Variants in EPM2A observed in about 807,000 individuals in gnomAD.
The protein encoded by EPM2A is EPM2A glucan phosphatase, laforin.
A neutral mutation model predicts 26.5 loss-of-function variants in EPM2A; 21 were observed. The observed-to-expected ratio is 0.79, with a 90% confidence interval of 0.56 to 1.14. The LOEUF (loss-of-function observed/expected upper bound fraction) is 1.14, where lower values mean the gene tolerates loss of function less well. Ranked by LOEUF, EPM2A falls within the 50% of genes most tolerant of loss-of-function variation. The pLI is 0.00. For synonymous variants in EPM2A, 217 were observed against 177.6 expected (o/e 1.22, Z -1.76); for missense variants, 458 against 440.8 (o/e 1.04, Z -0.35).
intron 2 of EPM2A, among the ~76,000 whole-genome samples, chr6:145,588,658 TATTC>T (rs1781229992): frequency 2.0e-5 from 3 of 152,230 alleles, no homozygotes; most frequent in Admixed American, 6.5e-5. Flanking sequence ...TCATCAGCAT[TATTC>T]ATTCAAACTA....
intron 2 of EPM2A, among the ~76,000 whole-genome samples, chr6:145,675,351 T>C (rs958649266): frequency 6.6e-6 from 1 of 152,144 alleles, no homozygotes; most frequent in Non-Finnish European, 1.5e-5. Flanking sequence ...GTAAAGACCA[T>C]CGATGCTATG....
At chr6:145,635,862 T>G (rs1018144204) in intron 2 of EPM2A, 1 of 193,814 alleles carries the variant, frequency 5.2e-6, no homozygotes, top group Non-Finnish European at 1.1e-5. Flanking sequence ...TGTAATTATA[T>G]AAATAAATTC....
At chr6:145,433,634 T>G (rs1016401098) in intron 4 of EPM2A, among the ~76,000 whole-genome samples, 1 of 152,296 alleles carries the variant, frequency 6.6e-6, no homozygotes, top group Non-Finnish European at 1.5e-5. Flanking sequence ...AAGCCTTCAC[T>G]TAACATTGTC....
intron 4 of EPM2A, among the ~76,000 whole-genome samples, chr6:145,444,783 T>C (rs1233799625): frequency 6.6e-6 from 1 of 152,248 alleles, no homozygotes; most frequent in Non-Finnish European, 1.5e-5. Context: ...TTGGACATTT[T>C]GAATTATAAA....
At chr6:145,715,104 T>C (rs1218866572) in intron 1 of EPM2A, among the ~76,000 whole-genome samples, 1 of 151,278 alleles carries the variant, frequency 6.6e-6, no homozygotes, top group African/African-American at 2.5e-5. Flanking sequence ...TTATTTGTTG[T>C]CAAGCATTTG....
At chr6:145,466,389 A>G (rs1200863742) in intron 4 of EPM2A, among the ~76,000 whole-genome samples, 2 of 152,240 alleles carry the variant, frequency 1.3e-5, no homozygotes, top group Non-Finnish European at 1.5e-5. Context: ...AACACATGAA[A>G]AAATGCTCAT....
Position 145,627,526 on chromosome 6 carries a change from GGAA to G in EPM2A, c.883_885del (p.Phe295del). On this transcript the variant is annotated inframe_deletion, in exon 4 of 4. Coordinates refer to ENST00000367519, the MANE Select transcript of EPM2A (RefSeq NM_005670.4). ...TAGACAGCCGGCCTCTTGGCCATGA[GGAA>G]ATACTGCACCTTCCTCAGATTCCAG... The G allele has an allele frequency of 6.2e-7, 1 of 1,614,248 alleles. No homozygotes were observed. Among genetic ancestry groups the G allele is most frequent in the East Asian group, 2.2e-5 (1 of 44,876 alleles).
At chr6:145,650,202 T>G (rs1183017424) in intron 2 of EPM2A, among the ~76,000 whole-genome samples, 3 of 152,162 alleles carry the variant, frequency 2.0e-5, no homozygotes, top group South Asian at 2.1e-4. Context: ...TGCTTTTGTA[T>G]GATGAGCACT....
At chr6:145,565,930 A>T (rs1483396731) in intron 2 of EPM2A, among the ~76,000 whole-genome samples, 1 of 152,206 alleles carries the variant, frequency 6.6e-6, no homozygotes, top group African/African-American at 2.4e-5. Context: ...TCAGGAAAAA[A>T]TATGGAAATC....
rs540161752 is a variant in EPM2A at position 145,385,180 on chromosome 6, A to G, written c.556-1083T>C. 1.7e-3 allele frequency among the ~76,000 whole-genome samples: 244 copies of G among 147,782 alleles called. 23 individuals carry two copies. Among genetic ancestry groups the G allele is most frequent in the African/African-American group, 5.4e-3 (216 of 39,914 alleles). ...CATTTAAAAAATAACGTGGAGACCT[A>G]TGGGAGCTGGTGTACATCTTTGAGA... On this transcript the variant is annotated intron_variant, in intron 4 of 4. Transcript: ENST00000638717.
At chr6:145,459,316 A>T (rs1412219314) in intron 4 of EPM2A, among the ~76,000 whole-genome samples, 1 of 152,212 alleles carries the variant, frequency 6.6e-6, no homozygotes, top group Non-Finnish European at 1.5e-5. Context: ...AATCTGGATA[A>T]GGTGGGAATC....
Position 145,456,907 on chromosome 6 carries a change from G to T in EPM2A, c.555+45615C>A, listed in dbSNP as rs74631715. Among the ~76,000 whole-genome samples, 472 of 152,050 alleles carry T rather than the reference G, an allele frequency of 3.1e-3. 10 individuals carry two copies. In the East Asian group the frequency reaches 0.054, roughly 17 times the overall value. On this transcript the variant is annotated intron_variant, in intron 4 of 4. Transcript: ENST00000638717. ...TATATATTTTAGATATTTCTATCTT[G>T]AGCCACCTTACAGATGTTATAAAGG...
At chr6:145,706,705 T>A (rs1011913581) in intron 1 of EPM2A, among the ~76,000 whole-genome samples, 4 of 152,204 alleles carry the variant, frequency 2.6e-5, no homozygotes, top group African/African-American at 9.6e-5. Context: ...TACGCATGTG[T>A]TAGTGTTGTG....
chr6:145,662,446 CA>C (rs144681481), intron 2 of EPM2A, among the ~76,000 whole-genome samples: 1 of 151,724 alleles, frequency 6.6e-6, no homozygotes, highest in Non-Finnish European at 1.5e-5. Flanking sequence ...GAAAATTGTT[CA>C]AAAAAATCAT....
intron 4 of EPM2A, among the ~76,000 whole-genome samples, chr6:145,455,452 G>C (rs899026821): frequency 6.6e-6 from 1 of 152,098 alleles, no homozygotes; most frequent in Non-Finnish European, 1.5e-5. Context: ...CCGCCTCCTG[G>C]GTTCAAGTGA....
chr6:145,402,521 T>C (rs1778504177), intron 4 of EPM2A, among the ~76,000 whole-genome samples: 1 of 152,138 alleles, frequency 6.6e-6, no homozygotes, highest in South Asian at 2.1e-4. Flanking sequence ...GTAGCTTAGA[T>C]AGTGATGTAG....
chr6:145,383,809 C>T (rs1223311715), exon 5 of EPM2A: 1 of 152,162 alleles, frequency 6.6e-6, no homozygotes, highest in Non-Finnish European at 1.5e-5. Context: ...TATTCTAGAA[C>T]ATAGAAACAT....
intron 4 of EPM2A, among the ~76,000 whole-genome samples, chr6:145,471,918 G>A (rs1460967092): frequency 1.3e-5 from 2 of 151,598 alleles, no homozygotes; most frequent in Non-Finnish European, 2.9e-5. Flanking sequence ...CACCAGCTGG[G>A]GTGGCTCCAG....
intron 1 of EPM2A, among the ~76,000 whole-genome samples, chr6:145,698,849 A>T (rs1781763937): frequency 6.6e-6 from 1 of 152,192 alleles, no homozygotes; most frequent in Admixed American, 6.5e-5. Context: ...AAAAAACACC[A>T]GAGATCTCTC....
Sources: gnomAD v4.1 joint callset for allele counts (sites outside exome capture counted in the v4.1 genomes callset) on GRCh38, gnomAD v4.1.1 for gene constraint, MANE v1.5 for transcripts, NCBI Gene and HGNC (gene_info 2026-07-23, HGNC 2026-07-21) for gene names.